Variants in NUBPL observed in about 807,000 individuals in gnomAD.
NUBPL encodes iron-sulfur cluster transfer protein NUBPL.
A neutral mutation model predicts 45.7 loss-of-function variants in NUBPL; 31 were observed. The ratio of observed to expected loss-of-function variants is 0.68; its 90% CI spans 0.51 to 0.92. NUBPL has a LOEUF of 0.92. Among genes scored for constraint, NUBPL ranks in the 40% least tolerant of loss-of-function variants. NUBPL has a pLI of 0.00. For missense variants in NUBPL, 401 were observed against 398.7 expected (o/e 1.01, Z -0.05); for synonymous variants, 144 against 140.9 (o/e 1.02, Z -0.15).
chr14:31,644,774 C>T (rs2035798785), intron 4 of NUBPL, among the ~76,000 whole-genome samples: 1 of 152,106 alleles, frequency 6.6e-6, no homozygotes, highest in Non-Finnish European at 1.5e-5. Flanking sequence ...TACCATATTG[C>T]AGTCTGTCTC....
chr14:31,850,217 G>C lies in NUBPL; in HGVS notation c.897+16G>C. 1 of 1,592,938 alleles carries C rather than the reference G, an allele frequency of 6.3e-7. No homozygotes were observed. Among genetic ancestry groups the C allele is most frequent in the Non-Finnish European group, 8.6e-7 (1 of 1,161,048 alleles). Reference sequence around the variant, plus strand: ...AAGTGATGAGGTAAGTTCCATTTTTGGATACATATTTTTATTTCTTTTTAT... The same window carrying C: ...AAGTGATGAGGTAAGTTCCATTTTTCGATACATATTTTTATTTCTTTTTAT... On this transcript the variant is annotated intron_variant, in intron 10 of 10. Coordinates refer to ENST00000281081, the MANE Select transcript of NUBPL (RefSeq NM_025152.3).
At chr14:31,729,286 C>CT (rs932724604) in intron 6 of NUBPL, among the ~76,000 whole-genome samples, 1 of 146,376 alleles carries the variant, frequency 6.8e-6, no homozygotes, top group African/African-American at 2.6e-5. Flanking sequence ...CCCCCCCCCC[C>CT]CCAAAAAAAA....
chr14:31,856,091 A>C (rs34548885), intron 10 of NUBPL, among the ~76,000 whole-genome samples: 56,121 of 152,092 alleles, frequency 0.37, 10,562 homozygotes, highest in East Asian at 0.51. Flanking sequence ...GAGACTGGGC[A>C]GTTTACAAAA....
At chr14:31,653,051 G>A (rs772843961) in intron 4 of NUBPL, among the ~76,000 whole-genome samples, 15 of 152,104 alleles carry the variant, frequency 9.9e-5, no homozygotes, top group Admixed American at 2.6e-4. Flanking sequence ...GTGTACGAAC[G>A]GGAAGTGGGT....
intron 7 of NUBPL, among the ~76,000 whole-genome samples, chr14:31,809,872 G>T (rs56293516): frequency 0.41 from 61,757 of 151,918 alleles, 13,816 homozygotes; most frequent in East Asian, 0.61. Context: ...ATTTCGTTAT[G>T]TACCCAGTAG....
chr14:31,775,691 A>G (rs1250255082), intron 6 of NUBPL, among the ~76,000 whole-genome samples: 1 of 152,106 alleles, frequency 6.6e-6, no homozygotes, highest in Non-Finnish European at 1.5e-5. Flanking sequence ...TACCTTGATG[A>G]ACTTTCTGCT....
rs373313237 is a variant in NUBPL, at chr14:31,811,027, C to T, written c.608-15602C>T. 5.1e-4 allele frequency among the ~76,000 whole-genome samples: 77 copies of T among 152,304 alleles called. 2 individuals carry two copies. The South Asian group carries it at 0.016, about 31-fold the overall frequency. ...GGCTTCCCTTTGTGGTTAACCCGCCCTTTCTCTCTGGCTGCCCTTAGCATT... is the reference window on the plus strand; with the variant it reads ...GGCTTCCCTTTGTGGTTAACCCGCCTTTTCTCTCTGGCTGCCCTTAGCATT... On this transcript the variant is annotated intron_variant, in intron 7 of 10. Coordinates refer to ENST00000281081, the MANE Select transcript of NUBPL (RefSeq NM_025152.3).
chr14:31,651,725 C>T lies in NUBPL; in HGVS notation c.383-21630C>T, dbSNP rs1204729548. Among the ~76,000 whole-genome samples the T allele has an allele frequency of 4.0e-5, 6 of 151,780 alleles. No homozygotes were observed. The East Asian group carries it at 9.7e-4, about 25-fold the overall frequency. On this transcript the variant is annotated intron_variant, in intron 4 of 10. Coordinates refer to ENST00000281081, the MANE Select transcript of NUBPL (RefSeq NM_025152.3). Reference sequence around the variant, plus strand: ...AATCCTGGCTAACATGGTGAAACCCCATCTCTACTAAAAATACAAAAAAAT... The same window carrying T: ...AATCCTGGCTAACATGGTGAAACCCTATCTCTACTAAAAATACAAAAAAAT...
chr14:31,673,162 GT>G (rs1251895145), intron 4 of NUBPL, among the ~76,000 whole-genome samples, 192 bp from the exon 5 acceptor site: 1 of 151,986 alleles, frequency 6.6e-6, no homozygotes, highest in Non-Finnish European at 1.5e-5. Context: ...AATTAGCATG[GT>G]TTATTATTTA....
chr14:31,650,546 C>T lies in NUBPL; in HGVS notation c.383-22809C>T, dbSNP rs1274851722. On this transcript the variant is annotated intron_variant, in intron 4 of 10. Transcript: ENST00000281081. ...CCTCATGATCCACCCATGTCGGCCTCCCAAAGTGTTGGGATTACAGGCGTT... is the reference window on the plus strand; with the variant it reads ...CCTCATGATCCACCCATGTCGGCCTTCCAAAGTGTTGGGATTACAGGCGTT... Among the ~76,000 whole-genome samples, 4 of 152,158 alleles carry T rather than the reference C, an allele frequency of 2.6e-5. 1 individual carries two copies. Among genetic ancestry groups the T allele is most frequent in the Admixed American group, 2.0e-4 (3 of 15,276 alleles).
chr14:31,859,124 G>A lies in NUBPL; in HGVS notation c.904G>A (p.Ala302Thr). 2.5e-6 allele frequency: 4 copies of A among 1,613,694 alleles called. No homozygotes were observed. Residue 302 changes from alanine (A) to threonine (T), a missense_variant, in exon 11 of 11, where the codon GCT (alanine) becomes ACT (threonine). Transcript: ENST00000281081. ...FSQPESDEAK[A>T]YLRIAVEVVR... ...TAAGTTTGTTCTTTTCCAGGCCAAA[G>A]CTTACTTGAGGATTGCTGTGGAAGT...
At chr14:31,585,645 A>G (rs1566428936) in intron 3 of NUBPL, among the ~76,000 whole-genome samples, 1 of 152,066 alleles carries the variant, frequency 6.6e-6, no homozygotes, top group Non-Finnish European at 1.5e-5. Context: ...TTTCTGTTCT[A>G]TTTCACATTC....
intron 4 of NUBPL, among the ~76,000 whole-genome samples, chr14:31,660,983 C>CT (rs1352240494): frequency 6.6e-6 from 1 of 152,142 alleles, no homozygotes; most frequent in Non-Finnish European, 1.5e-5. Flanking sequence ...TGCCTATTTC[C>CT]TTTTTACCTA....
intron 6 of NUBPL, among the ~76,000 whole-genome samples, chr14:31,777,653 G>A (rs1401424445): frequency 6.6e-6 from 1 of 152,204 alleles, no homozygotes; most frequent in Admixed American, 6.5e-5. Context: ...TCTGGACATT[G>A]GAAATTCCAC....
chr14:31,780,221 C>T (rs2039168203), intron 6 of NUBPL, among the ~76,000 whole-genome samples: 1 of 144,748 alleles, frequency 6.9e-6, no homozygotes, highest in Non-Finnish European at 1.5e-5. Flanking sequence ...TGCCACCATG[C>T]CTGGCTAATT....
intron 6 of NUBPL, among the ~76,000 whole-genome samples, chr14:31,716,371 A>G (rs1252690301): frequency 1.3e-5 from 2 of 152,166 alleles, no homozygotes; most frequent in Admixed American, 1.3e-4. Context: ...CTAATTGTAT[A>G]TGTTACACTT....
In NUBPL at chr14:31,562,102, G is replaced by A. The variant is rs767048367; in HGVS notation, c.143G>A (p.Arg48Lys). 2.9e-5 allele frequency: 47 copies of A among 1,610,906 alleles called. No individual in the cohort carries two copies. Among genetic ancestry groups the A allele is most frequent in the Non-Finnish European group, 2.0e-5 (23 of 1,178,212 alleles). The change falls in exon 2 of 11, where the codon AGA (arginine) becomes AAA (lysine). Residue 48 changes from arginine to lysine, a missense_variant. Arg to Lys is a conservative substitution (Grantham distance 26). Transcript: ENST00000281081. ...SGAGSETLKQ[R>K]RTQIMSRGLP... ...GCCGGGAGTGAGACCCTAAAACAAA[G>A]AAGAACACAAATCATGTCCCGAGGA...
chr14:31,616,961 T>C (rs983343495), intron 4 of NUBPL, among the ~76,000 whole-genome samples: 6 of 152,210 alleles, frequency 3.9e-5, no homozygotes, highest in African/African-American at 1.4e-4. Flanking sequence ...AGCAGTGGTT[T>C]GTAGTTCTCC....
At chr14:31,695,495 T>A (rs12433808) in intron 6 of NUBPL, among the ~76,000 whole-genome samples, 2 of 151,970 alleles carry the variant, frequency 1.3e-5, no homozygotes, top group African/African-American at 4.8e-5. Context: ...AACTTGGTCC[T>A]CAACCAGGCA....
Sources: allele counts gnomAD v4.1 joint callset (sites outside exome capture counted in the v4.1 genomes callset), GRCh38; gene constraint gnomAD v4.1.1; transcripts MANE v1.5; gene names NCBI Gene and HGNC (gene_info 2026-07-23, HGNC 2026-07-21).